AKR1A1: variants seen among roughly 807,000 people sequenced by gnomAD.
AKR1A1 encodes the protein aldo-keto reductase family 1 member A1.
AKR1A1 carries 26 observed loss-of-function variants against 39.2 expected under a neutral mutation model. That is an observed-to-expected ratio of 0.66 (90% CI 0.49 to 0.92). The LOEUF is 0.92. AKR1A1 is among the 40% of genes least tolerant of loss of function. The pLI is 0.00. For synonymous variants in AKR1A1, 141 were observed against 155.5 expected (o/e 0.91, Z 0.69); for missense variants, 378 against 406.5 (o/e 0.93, Z 0.60).
intron 1 of AKR1A1, among the ~76,000 whole-genome samples, chr1:45,556,682 G>T (rs893605522): frequency 6.6e-6 from 1 of 151,816 alleles, no homozygotes; most frequent in Non-Finnish European, 1.5e-5. Context: ...TTCGAGACCA[G>T]CCTGGCCAAT....
At chr1:45,554,594 G>A (rs1269029991) in intron 1 of AKR1A1, among the ~76,000 whole-genome samples, 1 of 152,102 alleles carries the variant, frequency 6.6e-6, no homozygotes, top group Non-Finnish European at 1.5e-5. Flanking sequence ...GAAAAGTACA[G>A]GAGAAAATAC....
intron 6 of AKR1A1, 52 bp from the exon 7 acceptor site, chr1:45,568,875 G>A (rs1644379696): frequency 9.4e-6 from 15 of 1,591,520 alleles, no homozygotes; most frequent in South Asian, 3.3e-5. Context: ...GAACAAAATA[G>A]TGCTTATGAA....
chr1:45,554,543 C>T (rs1184057093), intron 1 of AKR1A1, among the ~76,000 whole-genome samples: 1 of 152,116 alleles, frequency 6.6e-6, no homozygotes, highest in Non-Finnish European at 1.5e-5. Flanking sequence ...TGGGCCACTG[C>T]ACTCCAGCCT....
At chr1:45,567,856 T>G in intron 4 of AKR1A1, 126 bp from the exon 5 acceptor site, 1 of 905,218 alleles carries the variant, frequency 1.1e-6, no homozygotes, top group East Asian at 2.8e-5. Flanking sequence ...AAGCATGGCT[T>G]TTTAAAAATT....
intron 1 of AKR1A1, among the ~76,000 whole-genome samples, chr1:45,556,225 T>C (rs1644200500): frequency 6.6e-6 from 1 of 152,184 alleles, no homozygotes; most frequent in South Asian, 2.1e-4. Context: ...TAATAAAACC[T>C]GATTCCTGAT....
intron 2 of AKR1A1, among the ~76,000 whole-genome samples, chr1:45,562,819 T>C (rs1160899315): frequency 6.6e-6 from 1 of 151,888 alleles, no homozygotes; most frequent in Non-Finnish European, 1.5e-5. Context: ...CACAAACTAT[T>C]TTTTAAAGAA....
Position 45,561,895 on chromosome 1 carries a change from GA to G in AKR1A1, c.84+23del, listed in dbSNP as rs972694994. The G allele has an allele frequency of 6.2e-7, 1 of 1,612,574 alleles. No homozygotes were observed. The highest frequency in any genetic ancestry group is 1.3e-5 in the African/African-American group (1 of 74,832). On this transcript the variant is annotated intron_variant, in intron 2 of 8. Transcript: ENST00000351829. ...CCTGGTCAGGTGAGGGATGGGGGAA[GA>G]AAAAAGAAACTTGTTGAGCCTCTGC...
chr1:45,553,408 G>A (rs1415190042), intron 1 of AKR1A1, among the ~76,000 whole-genome samples: 8 of 135,382 alleles, frequency 5.9e-5, no homozygotes, highest in African/African-American at 8.5e-5. Context: ...GCGACAGAGC[G>A]AGACTCTGTC....
Position 45,568,138 on chromosome 1 carries a change from C to T in AKR1A1, c.513C>T (p.Asp171=), listed in dbSNP as rs1271514522. 1.2e-6 allele frequency: 2 copies of T among 1,613,894 alleles called. No individual in the cohort carries two copies. Among genetic ancestry groups the T allele is most frequent in the Non-Finnish European group, 1.7e-6 (2 of 1,179,982 alleles). ...LSNFNSRQID[D]ILSVASVRPA... ...ACTTCAACAGTCGGCAGATTGATGA[C>T]ATACTCAGTGTGGCCTCCGTGCGTC... is the stretch of plus-strand genomic sequence containing the variant. The change falls in exon 5 of 9, where the codon GAC becomes GAT. Residue 171 remains aspartate (D), a synonymous_variant. Transcript: ENST00000351829.
chr1:45,554,623 AT>A (rs1198805316), intron 1 of AKR1A1, among the ~76,000 whole-genome samples: 3 of 152,192 alleles, frequency 2.0e-5, no homozygotes, highest in Non-Finnish European at 2.9e-5. Context: ...CCAACTACTT[AT>A]CAAAACCATA....
chr1:45,553,789 C>T (rs1012803665), intron 1 of AKR1A1, among the ~76,000 whole-genome samples: 9 of 148,560 alleles, frequency 6.1e-5, no homozygotes, highest in Admixed American at 1.3e-4. Context: ...GTCAGGAGAT[C>T]GAGACCATCC....
intron 1 of AKR1A1, among the ~76,000 whole-genome samples, chr1:45,559,520 C>T (rs1363638614): frequency 1.3e-5 from 2 of 151,958 alleles, no homozygotes; most frequent in East Asian, 1.9e-4. Context: ...TTCTGTAGTA[C>T]ATCATACTTG....
chr1:45,569,949 C>T lies in AKR1A1; in HGVS notation c.971C>T (p.Pro324Leu), dbSNP rs142530083. ...AGHPLYPFND[P>L]Y ...CATCCTCTGTACCCCTTTAATGACC[C>T]GTACTGAGACCACAGCTTCTTGGCC... Residue 324 changes from proline (P) to leucine (L), a missense_variant, in exon 9 of 9, where the codon CCG becomes CTG. Transcript: ENST00000351829. 775 of 1,614,050 alleles carry T rather than the reference C, an allele frequency of 4.8e-4. 3 individuals carry two copies. In the African/African-American group the frequency reaches 8.1e-3, roughly 17 times the overall value.
intron 2 of AKR1A1, among the ~76,000 whole-genome samples, chr1:45,562,330 ATT>A (rs957556536): frequency 6.2e-4 from 82 of 132,174 alleles, no homozygotes; most frequent in South Asian, 9.7e-4. Context: ...AGGTCAGCAA[ATT>A]TTTTTTTTTT....
chr1:45,569,305 G>C (rs776870522), intron 8 of AKR1A1, 76 bp downstream of exon 8: 97 of 1,243,514 alleles, frequency 7.8e-5, no homozygotes, highest in Non-Finnish European at 1.1e-4. Context: ...GTGACCTAAG[G>C]CTTGCTGGTT....
chr1:45,555,649 T>G (rs1448020606), intron 1 of AKR1A1, among the ~76,000 whole-genome samples: 1 of 152,184 alleles, frequency 6.6e-6, no homozygotes, highest in Admixed American at 6.5e-5. Context: ...TCCCAGGATT[T>G]TGGTATCTGA....
chr1:45,555,882 G>A (rs1644195442), intron 1 of AKR1A1, among the ~76,000 whole-genome samples: 1 of 152,174 alleles, frequency 6.6e-6, no homozygotes, highest in African/African-American at 2.4e-5. Flanking sequence ...AATCTCAGAT[G>A]CCTATACATA....
intron 1 of AKR1A1, among the ~76,000 whole-genome samples, chr1:45,558,571 T>C (rs1026010583): frequency 6.6e-6 from 1 of 151,940 alleles, no homozygotes; most frequent in African/African-American, 2.4e-5. Flanking sequence ...GGCTAATTTT[T>C]GTATTTTTAG....
At position 45,566,660 on chromosome 1, in the gene AKR1A1, C is replaced by A; in HGVS notation, c.176C>A (p.Ala59Asp). The A allele has an allele frequency of 6.2e-7, 1 of 1,614,206 alleles. No individual in the cohort carries two copies. The highest frequency in any genetic ancestry group is 8.5e-7 in the Non-Finnish European group (1 of 1,180,024). The change falls in exon 3 of 9, where the codon GCC becomes GAC. Residue 59 changes from alanine (A) to aspartate (D), a missense_variant. Ala to Asp is a moderately radical substitution (Grantham distance 126). Coordinates refer to ENST00000351829, the MANE Select transcript of AKR1A1 (RefSeq NM_153326.3). ...IYGNEPEIGE[A>D]LKEDVGPGKA... ...GGCAATGAGCCTGAGATTGGGGAGG[C>A]CCTGAAGGAGGACGTGGGACCAGGC...
Sources: allele counts gnomAD v4.1 joint callset (sites outside exome capture counted in the v4.1 genomes callset), GRCh38; gene constraint gnomAD v4.1.1; transcripts MANE v1.5; gene names NCBI Gene and HGNC (gene_info 2026-07-23, HGNC 2026-07-21).